CDKL3: variants seen among roughly 807,000 people sequenced by gnomAD.
The protein encoded by CDKL3 is cyclin dependent kinase like 3, also known as cyclin-dependent kinase-like 3.
CDKL3 carries 65 observed loss-of-function variants against 69.3 expected under a neutral mutation model. That is an observed-to-expected ratio of 0.94 (90% CI 0.77 to 1.15). The LOEUF is 1.15. Among genes scored for constraint, CDKL3 ranks in the 50% most tolerant of loss-of-function variants. The pLI is 0.00. For synonymous variants in CDKL3, 202 were observed against 221.6 expected (o/e 0.91, Z 0.79); for missense variants, 652 against 689.2 (o/e 0.95, Z 0.61).
downstream of CDKL3, chr5:134,298,185 C>T (rs756608821): frequency 6.6e-5 from 58 of 875,524 alleles, no homozygotes; most frequent in Non-Finnish European, 7.5e-5. Flanking sequence ...CCGCCTGCCT[C>T]AGCCTCCCAA....
At chr5:134,360,598 G>A (rs1303113425) in intron 2 of CDKL3, among the ~76,000 whole-genome samples, 1 of 152,082 alleles carries the variant, frequency 6.6e-6, no homozygotes, top group Non-Finnish European at 1.5e-5. Flanking sequence ...AATATTTATA[G>A]GACAAAGTGA....
chr5:134,341,497 A>T (rs1314776105), intron 4 of CDKL3, among the ~76,000 whole-genome samples: 1 of 152,264 alleles, frequency 6.6e-6, no homozygotes, highest in Non-Finnish European at 1.5e-5. Context: ...TGATAATGAT[A>T]TGAGTTAAGA....
downstream of CDKL3, among the ~76,000 whole-genome samples, chr5:134,286,055 C>T (rs1580741500): frequency 1.3e-5 from 2 of 152,100 alleles, no homozygotes; most frequent in South Asian, 4.1e-4. Flanking sequence ...CCAGTAGGCA[C>T]AGGTTGCAGT....
At chr5:134,341,537 C>T (rs114547099) in intron 4 of CDKL3, among the ~76,000 whole-genome samples, 191 of 152,292 alleles carry the variant, frequency 1.3e-3, no homozygotes, top group Non-Finnish European at 2.4e-3. Flanking sequence ...AGTGAGGGTA[C>T]GGGATCCTCA....
At chr5:134,338,240 CA>C (rs1008137072) in intron 4 of CDKL3, among the ~76,000 whole-genome samples, 48 of 152,006 alleles carry the variant, frequency 3.2e-4, no homozygotes, top group African/African-American at 1.1e-3. Context: ...ATATACCACA[CA>C]AAGATGGAAA....
downstream of CDKL3, among the ~76,000 whole-genome samples, chr5:134,297,804 A>C (rs1257773689): frequency 3.4e-5 from 5 of 148,574 alleles, no homozygotes; most frequent in African/African-American, 1.2e-4. Flanking sequence ...CTGGTCTCAA[A>C]CTCCCGACCT....
intron 4 of CDKL3, among the ~76,000 whole-genome samples, chr5:134,336,110 A>C (rs1777043431): frequency 6.6e-6 from 1 of 152,152 alleles, no homozygotes; most frequent in African/African-American, 2.4e-5. Context: ...CACTTGATCA[A>C]ATCAGCTATT....
intron 8 of CDKL3, among the ~76,000 whole-genome samples, chr5:134,293,010 T>C (rs1326338305): frequency 1.1e-5 from 1 of 92,646 alleles, no homozygotes; most frequent in African/African-American, 5.2e-5. Flanking sequence ...TTCTTTTTTT[T>C]TTTTTTTTTT....
intron 4 of CDKL3, among the ~76,000 whole-genome samples, chr5:134,326,850 T>C (rs1220225826): frequency 4.0e-5 from 4 of 100,582 alleles, no homozygotes; most frequent in African/African-American, 1.8e-4. Context: ...TATATATATA[T>C]ATATATATAT....
chr5:134,296,850 G>A (rs1445031715), downstream of CDKL3, among the ~76,000 whole-genome samples: 2 of 151,686 alleles, frequency 1.3e-5, no homozygotes, highest in Admixed American at 6.6e-5. Context: ...TTCATTCAGA[G>A]GTGTAGTAGT....
At chr5:134,336,639 G>C (rs1777174660) in intron 4 of CDKL3, among the ~76,000 whole-genome samples, 1 of 152,192 alleles carries the variant, frequency 6.6e-6, no homozygotes. Context: ...CTATTTGCCT[G>C]GGTATCACCA....
chr5:134,294,108 C>A (rs563624473), downstream of CDKL3, among the ~76,000 whole-genome samples: 3 of 151,366 alleles, frequency 2.0e-5, no homozygotes, highest in Non-Finnish European at 4.4e-5. Flanking sequence ...GACTCTGTCT[C>A]GAAAAAATAA....
chr5:134,338,919 C>G (rs971333610), intron 4 of CDKL3, among the ~76,000 whole-genome samples: 1 of 151,880 alleles, frequency 6.6e-6, no homozygotes, highest in Non-Finnish European at 1.5e-5. Flanking sequence ...TTTGGTAGGC[C>G]TAGGTGGGTG....
At chr5:134,305,320 C>T (rs957921892) in intron 10 of CDKL3, among the ~76,000 whole-genome samples, 2 of 152,104 alleles carry the variant, frequency 1.3e-5, no homozygotes, top group Non-Finnish European at 2.9e-5. Context: ...CGTTATGTCG[C>T]CCAGGCTGAT....
At chr5:134,294,984 G>A (rs1016900726), downstream of CDKL3, among the ~76,000 whole-genome samples, 3 of 149,876 alleles carry the variant, frequency 2.0e-5, no homozygotes, top group African/African-American at 4.9e-5. Context: ...TATCATGCTC[G>A]TGAATTGGAA....
At chr5:134,346,786 G>A (rs758669109) in intron 4 of CDKL3, among the ~76,000 whole-genome samples, 3 of 152,132 alleles carry the variant, frequency 2.0e-5, no homozygotes, top group East Asian at 1.9e-4. Flanking sequence ...ATGAGCCACC[G>A]TGCCCAGCCG....
Position 134,313,381 on chromosome 5 carries a change from T to A in CDKL3, c.793-1001A>T, listed in dbSNP as rs1038466490. Among the ~76,000 whole-genome samples the A allele has an allele frequency of 7.9e-5, 12 of 152,260 alleles. No individual in the cohort carries two copies. In the South Asian group the frequency reaches 2.5e-3, roughly 32 times the overall value. On this transcript the variant is annotated intron_variant, in intron 6 of 12. Coordinates refer to ENST00000265334, the MANE Select transcript of CDKL3 (RefSeq NM_001113575.2). ...ACAGACACATGCCACCAAGCCTGAC[T>A]AGTAACTTTTATTGATGCTTACTAC...
At chr5:134,318,309 T>C (rs1241356192) in intron 6 of CDKL3, among the ~76,000 whole-genome samples, 1 of 151,964 alleles carries the variant, frequency 6.6e-6, no homozygotes, top group Non-Finnish European at 1.5e-5. Flanking sequence ...ATAATGTTTT[T>C]ATTTTCTCCA....
At chr5:134,286,778 G>T (rs530720113) in intron 8 of CDKL3, among the ~76,000 whole-genome samples, 1 of 152,218 alleles carries the variant, frequency 6.6e-6, no homozygotes, top group Non-Finnish European at 1.5e-5. Flanking sequence ...GCACAGGAAA[G>T]ACCTGCCCCC....
Sources: allele counts gnomAD v4.1 joint callset (sites outside exome capture counted in the v4.1 genomes callset), GRCh38; gene constraint gnomAD v4.1.1; transcripts MANE v1.5; gene names NCBI Gene and HGNC (gene_info 2026-07-23, HGNC 2026-07-21).